The following ZRANB1 variants were observed in gnomAD, a reference collection of about 807,000 sequenced individuals.
ZRANB1 encodes the protein zinc finger RANBP2-type containing 1.
ZRANB1 carries 16 observed loss-of-function variants against 80.5 expected under a neutral mutation model. The observed-to-expected ratio is 0.20, with a 90% CI of 0.13 to 0.30. ZRANB1 has a LOEUF of 0.30. Among genes scored for constraint, ZRANB1 ranks in the 10% least tolerant of loss-of-function variants. The pLI is 1.00. For synonymous variants in ZRANB1, 291 were observed against 293.1 expected (o/e 0.99, Z 0.07); for missense variants, 576 against 862.6 (o/e 0.67, Z 4.16).
the ZRANB1 span, among the ~76,000 whole-genome samples, chr10:124,936,679 GTA>G: frequency 6.6e-6 from 1 of 152,256 alleles, no homozygotes; most frequent in African/African-American, 2.4e-5. Context: ...AAAGAGATGA[GTA>G]TGTGCGATAC....
intron 8 of ZRANB1, chr10:124,984,368 T>C (rs1951980238): frequency 6.1e-6 from 1 of 163,698 alleles, no homozygotes. Flanking sequence ...TTATAAAACG[T>C]TTATAATCAC....
the ZRANB1 span, among the ~76,000 whole-genome samples, chr10:124,928,339 T>C: frequency 2.6e-5 from 4 of 152,180 alleles, no homozygotes; most frequent in African/African-American, 9.7e-5. Flanking sequence ...CACCTTCCCC[T>C]GGGGCTGGGA....
At chr10:124,952,792 G>T (rs1394979723) in intron 1 of ZRANB1, among the ~76,000 whole-genome samples, 1 of 151,992 alleles carries the variant, frequency 6.6e-6, no homozygotes, top group Non-Finnish European at 1.5e-5. Flanking sequence ...TGTATTTTTA[G>T]TAGAGACGGG....
At chr10:124,963,605 G>T (rs1450828483) in intron 1 of ZRANB1, among the ~76,000 whole-genome samples, 2 of 76,374 alleles carry the variant, frequency 2.6e-5, no homozygotes. Flanking sequence ...CTTTTTCCCT[G>T]CACTTCACTT....
At chr10:124,928,535 TTTA>T in the ZRANB1 span, among the ~76,000 whole-genome samples, 1 of 152,224 alleles carries the variant, frequency 6.6e-6, no homozygotes, top group Non-Finnish European at 1.5e-5. Context: ...TAAATTCTTT[TTTA>T]TTATTGGGCA....
intron 1 of ZRANB1, among the ~76,000 whole-genome samples, chr10:124,950,756 G>A (rs1951632422): frequency 6.6e-6 from 1 of 152,110 alleles, no homozygotes; most frequent in African/African-American, 2.4e-5. Context: ...AAGAGGGGAG[G>A]ATCGTTTCAG....
chr10:124,968,928 G>C (rs1951798152), intron 2 of ZRANB1, among the ~76,000 whole-genome samples: 2 of 152,178 alleles, frequency 1.3e-5, no homozygotes, highest in South Asian at 4.1e-4. Context: ...GTTTGTGAGG[G>C]TTAGAATCCA....
chr10:124,953,810 C>T (rs1481715621), intron 1 of ZRANB1, among the ~76,000 whole-genome samples: 1 of 152,150 alleles, frequency 6.6e-6, no homozygotes, highest in Non-Finnish European at 1.5e-5. Flanking sequence ...AGATCAACAT[C>T]TGTGAGTTTA....
chr10:124,917,940 G>A, the ZRANB1 span, among the ~76,000 whole-genome samples: 1 of 152,138 alleles, frequency 6.6e-6, no homozygotes, highest in Non-Finnish European at 1.5e-5. Context: ...GGCATTAAGC[G>A]CAAGGGACAG....
chr10:124,985,956 GA>G lies in ZRANB1; in HGVS notation c.*965del, dbSNP rs371743542. The G allele has an allele frequency of 1.7e-4, 26 of 152,372 alleles. No homozygotes were observed. Among genetic ancestry groups the G allele is most frequent in the African/African-American group, 6.3e-4 (26 of 41,590 alleles). 9.4% of individuals were successfully genotyped at this position (152,372 alleles called of 1,614,324 possible). ...AGAAGGGCATGCCTTTGCTTAGGCA[GA>G]TTGGGAATACCAATTCACTACAGAA... On this transcript the variant is annotated 3_prime_UTR_variant, in exon 9 of 9. Coordinates refer to ENST00000359653, the MANE Select transcript of ZRANB1 (RefSeq NM_017580.3).
At position 124,948,829 on chromosome 10, in the gene ZRANB1, A is replaced by G. The variant is rs531184588; in HGVS notation, c.814+5522A>G. On this transcript the variant is annotated intron_variant, in intron 1 of 8. Coordinates refer to ENST00000359653, the MANE Select transcript of ZRANB1 (RefSeq NM_017580.3). ...TAGTATGTACAACAGTGCCTGCTACATACATACTAGGCACTCAGGTATTTT... is the reference window on the plus strand; with the variant it reads ...TAGTATGTACAACAGTGCCTGCTACGTACATACTAGGCACTCAGGTATTTT... 3.9e-5 allele frequency among the ~76,000 whole-genome samples: 6 copies of G among 152,332 alleles called. 1 individual carries two copies. In the East Asian group the frequency reaches 1.2e-3, roughly 29 times the overall value.
chr10:124,960,119 A>G (rs537851049), intron 1 of ZRANB1, among the ~76,000 whole-genome samples: 4 of 152,208 alleles, frequency 2.6e-5, no homozygotes, highest in South Asian at 2.1e-4. Flanking sequence ...TGTGGTGAGG[A>G]TGCCTGATGG....
At chr10:124,942,054 T>C, upstream of ZRANB1, 3 of 672,674 alleles carry the variant, frequency 4.5e-6, no homozygotes, top group Non-Finnish European at 5.6e-6. Flanking sequence ...GTGTTTAAGC[T>C]ATTTTTTAGT....
Position 124,985,190 on chromosome 10 carries a change from G to T in ZRANB1, c.*198G>T. 1 of 489,518 alleles carries T rather than the reference G, an allele frequency of 2.0e-6. No homozygotes were observed. The highest frequency in any genetic ancestry group is 3.6e-6 in the Non-Finnish European group (1 of 278,748). The allele number at this position is 489,518 out of a possible 1,614,324, so 30.3% of individuals were successfully genotyped here. Reference sequence around the variant, plus strand: ...GTGAGGAGACAGAGAACTTTAGTTGGACTACAGTTTGTAAAAAAAACTAAT... The same window carrying T: ...GTGAGGAGACAGAGAACTTTAGTTGTACTACAGTTTGTAAAAAAAACTAAT... On this transcript the variant is annotated 3_prime_UTR_variant, in exon 9 of 9. Transcript: ENST00000359653.
chr10:124,981,863 GA>G, intron 6 of ZRANB1, 34 bp downstream of exon 6: 1 of 1,610,934 alleles, frequency 6.2e-7, no homozygotes, highest in Non-Finnish European at 8.5e-7. Flanking sequence ...GCTTCTATGA[GA>G]AAAGTAAGCA....
chr10:124,980,938 TAAC>T (rs964412894), intron 5 of ZRANB1, among the ~76,000 whole-genome samples: 13 of 152,216 alleles, frequency 8.5e-5, no homozygotes, highest in Admixed American at 2.0e-4. Context: ...TGAAACTTTT[TAAC>T]AACAGGAACA....
chr10:124,922,305 ATATATATATGTAAAATATATG>A, the ZRANB1 span, among the ~76,000 whole-genome samples: 2 of 62,370 alleles, frequency 3.2e-5, no homozygotes, highest in Non-Finnish European at 4.1e-5. Flanking sequence ...TGTAAAATAT[ATATATATATGTAAAATATATG>A]TATATATATA....
chr10:124,918,336 A>G, the ZRANB1 span, among the ~76,000 whole-genome samples: 2 of 152,128 alleles, frequency 1.3e-5, no homozygotes, highest in Non-Finnish European at 2.9e-5. Context: ...GACTACAGGC[A>G]TGCGCCACCA....
chr10:124,935,248 G>A, the ZRANB1 span, among the ~76,000 whole-genome samples: 1 of 152,164 alleles, frequency 6.6e-6, no homozygotes, highest in African/African-American at 2.4e-5. Context: ...TAACTGGTGT[G>A]TTATGAAATG....
Sources: allele counts gnomAD v4.1 joint callset (sites outside exome capture counted in the v4.1 genomes callset), GRCh38; gene constraint gnomAD v4.1.1; transcripts MANE v1.5; gene names NCBI Gene and HGNC (gene_info 2026-07-23, HGNC 2026-07-21).